Variants in HM13 observed in about 807,000 individuals in gnomAD.
HM13 encodes histocompatibility minor 13.
A neutral mutation model predicts 50.0 loss-of-function variants in HM13; 18 were observed. The ratio of observed to expected loss-of-function variants is 0.36; its 90% CI spans 0.25 to 0.53. The LOEUF is 0.53. Among genes scored for constraint, HM13 ranks in the 20% least tolerant of loss-of-function variants. The pLI, the probability that HM13 is intolerant of heterozygous loss-of-function variation, is 0.90. For synonymous variants in HM13, 197 were observed against 232.6 expected (o/e 0.85, Z 1.39); for missense variants, 393 against 552.4 (o/e 0.71, Z 2.89).
At chr20:31,566,662 CAT>C (rs972249807) in intron 11 of HM13, among the ~76,000 whole-genome samples, 1 of 152,060 alleles carries the variant, frequency 6.6e-6, no homozygotes, top group African/African-American at 2.4e-5. Context: ...TCAGTTTTCA[CAT>C]GTGAGTAATA....
intron 1 of HM13, among the ~76,000 whole-genome samples, chr20:31,522,458 A>G (rs532065451): frequency 6.6e-6 from 1 of 151,968 alleles, no homozygotes; most frequent in South Asian, 2.1e-4. Context: ...GCTACTCAGG[A>G]GGCCGAGGCA....
At chr20:31,551,240 G>A (rs947567241) in intron 7 of HM13, among the ~76,000 whole-genome samples, 9 of 152,204 alleles carry the variant, frequency 5.9e-5, no homozygotes, top group Middle Eastern at 3.4e-3. Context: ...AAGCCCAGGG[G>A]TAGAAGGCTC....
intron 6 of HM13, among the ~76,000 whole-genome samples, chr20:31,549,794 C>CT (rs910120485): frequency 6.6e-6 from 1 of 152,152 alleles, no homozygotes; most frequent in Non-Finnish European, 1.5e-5. Context: ...CGCTGGGGGA[C>CT]TTTATCACTT....
intron 6 of HM13, 126 bp downstream of exon 6, chr20:31,549,458 G>A (rs555291661): frequency 2.5e-5 from 30 of 1,187,496 alleles, no homozygotes; most frequent in South Asian, 6.7e-5. Context: ...GTTCCGGACC[G>A]CAGAGCAAGT....
intron 10 of HM13, among the ~76,000 whole-genome samples, chr20:31,563,806 G>T (rs1336362334): frequency 1.3e-5 from 2 of 152,074 alleles, no homozygotes; most frequent in African/African-American, 4.8e-5. Flanking sequence ...GCCAGGCGTG[G>T]TGGCTCACAC....
intron 1 of HM13, among the ~76,000 whole-genome samples, chr20:31,521,464 G>A (rs1174099944): frequency 3.3e-5 from 5 of 152,044 alleles, no homozygotes; most frequent in Non-Finnish European, 7.4e-5. Flanking sequence ...GATGGCTCAC[G>A]CCTGTAATCC....
At chr20:31,547,857 TC>T in intron 4 of HM13, 1 of 961,326 alleles carries the variant, frequency 1.0e-6, no homozygotes, top group Non-Finnish European at 1.7e-6. Context: ...GTTTAACTTC[TC>T]CTGGAGCTAA....
intron 9 of HM13, among the ~76,000 whole-genome samples, chr20:31,559,905 G>T (rs1401663992): frequency 6.6e-6 from 1 of 152,238 alleles, no homozygotes; most frequent in South Asian, 2.1e-4. Flanking sequence ...CTTTCTCACT[G>T]TGTGACCTTG....
At chr20:31,538,582 G>C in intron 3 of HM13, 5 of 1,294,512 alleles carry the variant, frequency 3.9e-6, no homozygotes, top group Non-Finnish European at 4.9e-6. Context: ...CACCTGCCGG[G>C]TGTTGTGGCC....
intron 3 of HM13, among the ~76,000 whole-genome samples, chr20:31,544,522 G>C (rs1224431377): frequency 5.3e-5 from 8 of 152,190 alleles, no homozygotes; most frequent in African/African-American, 1.9e-4. Context: ...GGGGGTGACT[G>C]TCAGGTCATC....
At chr20:31,552,293 G>T (rs1984076003) in intron 7 of HM13, among the ~76,000 whole-genome samples, 1 of 152,188 alleles carries the variant, frequency 6.6e-6, no homozygotes, top group Admixed American at 6.5e-5. Flanking sequence ...CTTCAGCAAA[G>T]GGCTGGAGGC....
At chr20:31,546,526 G>A (rs1007996634) in intron 4 of HM13, among the ~76,000 whole-genome samples, 3 of 151,914 alleles carry the variant, frequency 2.0e-5, no homozygotes, top group Admixed American at 1.3e-4. Flanking sequence ...TGAGGCAGGC[G>A]GATGACTTGA....
At chr20:31,523,655 G>C (rs904962441) in intron 1 of HM13, among the ~76,000 whole-genome samples, 2 of 152,214 alleles carry the variant, frequency 1.3e-5, no homozygotes, top group African/African-American at 4.8e-5. Flanking sequence ...AGTGTTTCAA[G>C]ATCAGGAACT....
chr20:31,564,649 T>C (rs1048946331), intron 10 of HM13, among the ~76,000 whole-genome samples: 4 of 151,868 alleles, frequency 2.6e-5, no homozygotes, highest in African/African-American at 9.7e-5. Context: ...GCAAGGGACC[T>C]GACTCCATGT....
chr20:31,566,025 T>C, intron 10 of HM13, 185 bp from the exon 11 acceptor site: 1 of 487,898 alleles, frequency 2.0e-6, no homozygotes, highest in East Asian at 3.3e-5. Context: ...TTGCATTCCC[T>C]CTCGGGAGGA....
At chr20:31,566,337 G>A in intron 11 of HM13, 42 bp downstream of exon 11, 1 of 1,522,128 alleles carries the variant, frequency 6.6e-7, no homozygotes, top group Non-Finnish European at 9.1e-7. Context: ...GGGCACCAGT[G>A]TGCCTGCTGG....
chr20:31,530,375 T>A (rs1473156296), intron 2 of HM13, among the ~76,000 whole-genome samples: 2 of 151,840 alleles, frequency 1.3e-5, no homozygotes, highest in South Asian at 2.1e-4. Context: ...ACGGAGGTAT[T>A]TTTATATCAA....
intron 2 of HM13, among the ~76,000 whole-genome samples, chr20:31,529,196 G>A (rs2122563948): frequency 6.6e-6 from 1 of 151,314 alleles, no homozygotes; most frequent in South Asian, 2.1e-4. Context: ...TTGGCCTCCT[G>A]AAGCACTAAG....
rs1390872801 is a variant in HM13, at chr20:31,547,969, G to A, written c.455-1060G>A. 4 of 1,551,612 alleles carry A rather than the reference G, an allele frequency of 2.6e-6. No individual in the cohort carries two copies. In the South Asian group the frequency reaches 3.3e-5, roughly 13 times the overall value. On this transcript the variant is annotated intron_variant, in intron 4 of 12. Coordinates refer to ENST00000398174, the MANE Select transcript of HM13 (RefSeq NM_178581.3). ...CATGAAGATGTCTGCAGAAGATATT[G>A]AGAAAGTCAACAAAGGAATTGGCAT...
Sources: gnomAD v4.1 joint callset for allele counts (sites outside exome capture counted in the v4.1 genomes callset) on GRCh38, gnomAD v4.1.1 for gene constraint, MANE v1.5 for transcripts, NCBI Gene and HGNC (gene_info 2026-07-23, HGNC 2026-07-21) for gene names.